The following SLC26A8 variants were observed in gnomAD, a reference collection of about 807,000 sequenced individuals.
SLC26A8 encodes the protein testis anion transporter 1.
Under a neutral mutation model 105.0 loss-of-function variants are expected in SLC26A8, and 70 were observed. The ratio of observed to expected loss-of-function variants is 0.67; its 90% CI spans 0.55 to 0.81. The LOEUF is 0.81. SLC26A8 is among the 40% of genes least tolerant of loss of function. SLC26A8 has a pLI of 0.00. For missense variants in SLC26A8, 998 were observed against 1,181.8 expected (o/e 0.84, Z 2.28); for synonymous variants, 415 against 438.3 (o/e 0.95, Z 0.66).
intron 3 of SLC26A8, among the ~76,000 whole-genome samples, chr6:36,005,056 T>A (rs1761648496): frequency 1.3e-5 from 2 of 152,230 alleles, no homozygotes; most frequent in Admixed American, 6.5e-5. Flanking sequence ...GGTAAGAGAA[T>A]TACTGGGTTA....
chr6:35,969,733 G>A (rs1369049209), intron 10 of SLC26A8: 1 of 152,042 alleles, frequency 6.6e-6, no homozygotes, highest in African/African-American at 2.4e-5. Context: ...AGCTTCAGTG[G>A]AGCTTCATCT....
chr6:35,962,700 AAGTT>A lies in SLC26A8; in HGVS notation c.1366-83_1366-80del, dbSNP rs371875594. 831 of 1,358,570 alleles carry A rather than the reference AAGTT, an allele frequency of 6.1e-4. 6 individuals carry two copies. In the African/African-American group the frequency reaches 0.01, roughly 16 times the overall value. The allele number at this position is 1,358,570 out of a possible 1,614,324, so 84.2% of individuals were successfully genotyped here. On this transcript the variant is annotated intron_variant, in intron 11 of 19. Coordinates refer to ENST00000490799, the MANE Select transcript of SLC26A8 (RefSeq NM_052961.4). ...CAAATCCCCACCAAGGAATCACAAA[AAGTT>A]AGCCTTGCCACTTTGAGATATTTTG...
intron 16 of SLC26A8, 96 bp from the exon 17 acceptor site, chr6:35,955,616 T>A: frequency 6.8e-7 from 1 of 1,475,688 alleles, no homozygotes; most frequent in Non-Finnish European, 9.1e-7. Flanking sequence ...CCAGCTCATG[T>A]CCCTCTCTCA....
chr6:36,019,511 C>T lies in SLC26A8; in HGVS notation c.188+9G>A. The T allele has an allele frequency of 1.2e-6, 2 of 1,609,432 alleles. No individual in the cohort carries two copies. The highest frequency in any genetic ancestry group is 4.5e-5 in the East Asian group (2 of 44,774). On this transcript the variant is annotated intron_variant, in intron 2 of 19. Coordinates refer to ENST00000490799, the MANE Select transcript of SLC26A8 (RefSeq NM_052961.4). ...GCTCGGCAGCAGGTGAAAGATTGGA[C>T]ACACGCACCGGCACTGGACGTGGTG...
intron 8 of SLC26A8, among the ~76,000 whole-genome samples, chr6:35,978,470 AT>A (rs1773131944): frequency 6.6e-6 from 1 of 152,170 alleles, no homozygotes; most frequent in South Asian, 2.1e-4. Flanking sequence ...AGAAAAAAAA[AT>A]CTAAGTGTTT....
At chr6:35,990,272 T>C (rs756094016) in intron 7 of SLC26A8, 1 of 266,122 alleles carries the variant, frequency 3.8e-6, no homozygotes, top group Non-Finnish European at 7.2e-6. Flanking sequence ...CCTGTACTGT[T>C]GGATACATGT....
At chr6:35,982,486 A>T (rs1190176869) in intron 7 of SLC26A8, among the ~76,000 whole-genome samples, 1 of 152,170 alleles carries the variant, frequency 6.6e-6, no homozygotes, top group Non-Finnish European at 1.5e-5. Context: ...CTGTATCCCC[A>T]TCATCTTCAT....
At chr6:35,968,603 GTGTGTGTATATATATATATATATATATA>G (rs1562030535) in intron 11 of SLC26A8, among the ~76,000 whole-genome samples, 3 of 52,394 alleles carry the variant, frequency 5.7e-5, no homozygotes, top group East Asian at 4.8e-4. Flanking sequence ...GTGTGTGTGT[GTGTGTGTATATATATATATATATATATA>G]TATATATATA....
At position 36,019,429 on chromosome 6, in the gene SLC26A8, C is replaced by G. The variant is rs1762072236; in HGVS notation, c.188+91G>C. The G allele has an allele frequency of 3.0e-6, 4 of 1,339,272 alleles. No individual in the cohort carries two copies. In the African/African-American group the frequency reaches 4.4e-5, roughly 15 times the overall value. The allele number at this position is 1,339,272 out of a possible 1,614,324, so 83.0% of individuals were successfully genotyped here. A position where few individuals can be genotyped will look rare whatever the true frequency, so the allele number is the denominator to read the frequency against. On this transcript the variant is annotated intron_variant, in intron 2 of 19. Coordinates refer to ENST00000490799, the MANE Select transcript of SLC26A8 (RefSeq NM_052961.4). The stretch of plus-strand genomic sequence containing the variant: ...CTGCATGATTCTGATTACAGGAACT[C>G]AGACAAGAAAGAGAAACGGACCCCA...
intron 19 of SLC26A8, among the ~76,000 whole-genome samples, chr6:35,949,010 G>C (rs1211209344): frequency 6.6e-6 from 1 of 152,148 alleles, no homozygotes; most frequent in Non-Finnish European, 1.5e-5. Context: ...TGGACTTCTC[G>C]CATTCAGAAC....
rs1436687606 is a variant in SLC26A8, at chr6:35,944,147, T to C, written c.2666A>G (p.Lys889Arg). ...DRELEPEMEP[K>R]AETETKTQTE... ...CTGGGTCTTGGTCTCGGTCTCAGCC[T>C]TGGGCTCCATTTCAGGCTCCAGCTC... Residue 889 changes from lysine to arginine, a missense_variant, in exon 20 of 20, where the codon AAG (lysine) becomes AGG (arginine). Coordinates refer to ENST00000490799, the MANE Select transcript of SLC26A8 (RefSeq NM_052961.4). 1.9e-6 allele frequency: 3 copies of C among 1,614,088 alleles called. No individual in the cohort carries two copies. Among genetic ancestry groups the C allele is most frequent in the Non-Finnish European group, 2.5e-6 (3 of 1,180,014 alleles).
intron 3 of SLC26A8, among the ~76,000 whole-genome samples, chr6:36,009,590 A>G (rs1466389710): frequency 2.0e-5 from 3 of 152,186 alleles, no homozygotes; most frequent in Non-Finnish European, 2.9e-5. Context: ...AAAAACCAAT[A>G]CCAAAGGGTT....
chr6:35,968,798 A>AC (rs1213535341), intron 11 of SLC26A8, 79 bp downstream of exon 11: 14 of 38,198 alleles, frequency 3.7e-4, no homozygotes, highest in African/African-American at 1.9e-3. Flanking sequence ...CCAGCCCCTT[A>AC]CCCCCCGCAC....
chr6:35,998,762 A>C (rs1387691968), intron 4 of SLC26A8, among the ~76,000 whole-genome samples: 1 of 152,162 alleles, frequency 6.6e-6, no homozygotes, highest in Non-Finnish European at 1.5e-5. Context: ...CCCTTATTAT[A>C]AGTATTTGGA....
At chr6:35,945,042 G>T (rs762524216) in intron 19 of SLC26A8, among the ~76,000 whole-genome samples, 73 of 152,152 alleles carry the variant, frequency 4.8e-4, no homozygotes, top group Non-Finnish European at 9.3e-4. Flanking sequence ...TAGAGACAGG[G>T]TTTCACCATG....
In SLC26A8 at chr6:35,957,710, G is replaced by A. The variant is rs539758218; in HGVS notation, c.1863+1750C>T. Among the ~76,000 whole-genome samples, 5 of 151,546 alleles carry A rather than the reference G, an allele frequency of 3.3e-5. No homozygotes were observed. In the East Asian group the frequency reaches 5.9e-4, roughly 18 times the overall value. On this transcript the variant is annotated intron_variant, in intron 16 of 19. Transcript: ENST00000490799. ...GAACTTCCGCCTCCTGGGTTCAAGC[G>A]ATTCTCCTGCCTCAGCCTCCCGAGT...
At chr6:35,962,143 T>C (rs967592541) in intron 12 of SLC26A8, among the ~76,000 whole-genome samples, 3 of 151,944 alleles carry the variant, frequency 2.0e-5, no homozygotes, top group African/African-American at 7.3e-5. Flanking sequence ...GGAGAATCAC[T>C]TGAACCCGGG....
chr6:35,998,973 C>T (rs570794417), intron 4 of SLC26A8, among the ~76,000 whole-genome samples: 1 of 152,148 alleles, frequency 6.6e-6, no homozygotes, highest in Non-Finnish European at 1.5e-5. Flanking sequence ...TGGCTCACTG[C>T]AACCTCCACC....
chr6:35,952,743 C>T (rs968014711), intron 17 of SLC26A8, among the ~76,000 whole-genome samples: 17 of 152,098 alleles, frequency 1.1e-4, no homozygotes, highest in South Asian at 8.3e-4. Context: ...AGGCTGAGCG[C>T]GGTGGCTCAT....
Sources: gnomAD v4.1 joint callset for allele counts (sites outside exome capture counted in the v4.1 genomes callset) on GRCh38, gnomAD v4.1.1 for gene constraint, MANE v1.5 for transcripts, NCBI Gene and HGNC (gene_info 2026-07-23, HGNC 2026-07-21) for gene names.